YAF2: variants seen among roughly 807,000 people sequenced by gnomAD.
The protein encoded by YAF2 is YY1-associated factor 2.
A neutral mutation model predicts 20.1 loss-of-function variants in YAF2; 7 were observed. That is an observed-to-expected ratio of 0.35 (90% confidence interval 0.20 to 0.65). YAF2 has a LOEUF of 0.65. Ranked by LOEUF, YAF2 falls within the 30% of genes least tolerant of loss-of-function variation. The pLI is 0.69. For synonymous variants in YAF2, 74 were observed against 76.0 expected (o/e 0.97, Z 0.14); for missense variants, 151 against 219.2 (o/e 0.69, Z 1.96).
At chr12:42,177,516 C>CT (rs1446209051) in intron 2 of YAF2, among the ~76,000 whole-genome samples, 1 of 152,162 alleles carries the variant, frequency 6.6e-6, no homozygotes, top group Non-Finnish European at 1.5e-5. Flanking sequence ...ACAAGGCCAC[C>CT]AATCCTACTG....
chr12:42,221,897 T>C (rs2067527539), intron 2 of YAF2, among the ~76,000 whole-genome samples: 1 of 152,204 alleles, frequency 6.6e-6, no homozygotes, highest in Admixed American at 6.5e-5. Flanking sequence ...GAAGACGCTC[T>C]TATCTGTCTA....
intron 2 of YAF2, among the ~76,000 whole-genome samples, chr12:42,227,349 G>A (rs1236889530): frequency 2.9e-5 from 2 of 68,878 alleles, no homozygotes; most frequent in Non-Finnish European, 4.8e-5. Context: ...AGTCTGGAAA[G>A]TGAGGAGCGT....
chr12:42,174,813 A>G lies in YAF2; in HGVS notation c.153-13048T>C, dbSNP rs550995658. Among the ~76,000 whole-genome samples, 3 of 152,362 alleles carry G rather than the reference A, an allele frequency of 2.0e-5. No homozygotes were observed. The South Asian group carries it at 6.2e-4, about 32-fold the overall frequency. ...TAGAAAGCAAAAGTTAAATTTTGCT[A>G]AATTTTATAAATAGAATATTTGTAA... is the stretch of plus-strand genomic sequence containing the variant. On this transcript the variant is annotated intron_variant, in intron 2 of 3. Transcript: ENST00000534854.
At position 42,174,413 on chromosome 12, in the gene YAF2, CT is replaced by C. The variant is rs1267034698; in HGVS notation, c.153-12649del. On this transcript the variant is annotated intron_variant, in intron 2 of 3. Coordinates refer to ENST00000534854, the MANE Select transcript of YAF2 (RefSeq NM_005748.6). ...CACTCAGCCTCTAGGACACCACACT[CT>C]TCACATTTCTCTCCTGCCTCACTGG... Among the ~76,000 whole-genome samples the C allele has an allele frequency of 2.0e-5, 3 of 152,334 alleles. No homozygotes were observed. The East Asian group carries it at 5.8e-4, about 29-fold the overall frequency.
intron 2 of YAF2, among the ~76,000 whole-genome samples, chr12:42,185,268 G>C (rs190410618): frequency 6.6e-6 from 1 of 152,310 alleles, no homozygotes; most frequent in African/African-American, 2.4e-5. Flanking sequence ...TCATGACCAA[G>C]CTTTCACAGA....
At chr12:42,186,731 G>A (rs187400000) in intron 2 of YAF2, among the ~76,000 whole-genome samples, 1 of 152,134 alleles carries the variant, frequency 6.6e-6, no homozygotes, top group Non-Finnish European at 1.5e-5. Flanking sequence ...CCCACTAGGA[G>A]TAACCAGGAA....
chr12:42,223,308 A>C (rs938896895), intron 2 of YAF2, among the ~76,000 whole-genome samples: 1 of 151,282 alleles, frequency 6.6e-6, no homozygotes, highest in Non-Finnish European at 1.5e-5. Flanking sequence ...TCATCTTAAA[A>C]ACAGCAGTTT....
intron 2 of YAF2, among the ~76,000 whole-genome samples, chr12:42,168,939 C>A (rs2065977657): frequency 1.3e-5 from 2 of 152,088 alleles, no homozygotes; most frequent in Admixed American, 6.6e-5. Flanking sequence ...ACCACCCCTC[C>A]CATCATAAGA....
intron 2 of YAF2, among the ~76,000 whole-genome samples, chr12:42,165,922 A>C (rs1347444957): frequency 6.7e-6 from 1 of 149,024 alleles, no homozygotes; most frequent in East Asian, 2.0e-4. Context: ...ATCTATATCT[A>C]TCTATCTATG....
chr12:42,196,328 A>G (rs1253706867), intron 2 of YAF2, among the ~76,000 whole-genome samples: 3 of 152,042 alleles, frequency 2.0e-5, no homozygotes, highest in Non-Finnish European at 4.4e-5. Flanking sequence ...CACATCACCT[A>G]TAAGTGGGTG....
In YAF2 at chr12:42,224,541, C is replaced by T. The variant is rs140202027; in HGVS notation, c.152+13058G>A. 3.6e-3 allele frequency among the ~76,000 whole-genome samples: 548 copies of T among 152,026 alleles called. 1 individual carries two copies. Among genetic ancestry groups the T allele is most frequent in the Non-Finnish European group, 6.4e-3 (433 of 67,990 alleles). On this transcript the variant is annotated intron_variant, in intron 2 of 3. Coordinates refer to ENST00000534854, the MANE Select transcript of YAF2 (RefSeq NM_005748.6). ...ATCCCTCCTCTAGCCCCCCACCCCG[C>T]GACAGGCCCCCGTGTGTGATGTTCC... is the stretch of plus-strand genomic sequence containing the variant.
At chr12:42,179,712 AG>A (rs2137041130) in intron 2 of YAF2, among the ~76,000 whole-genome samples, 1 of 138,336 alleles carries the variant, frequency 7.2e-6, no homozygotes, top group Admixed American at 7.8e-5. Context: ...TGAGCCCAGG[AG>A]GTTGAGGCTG....
At chr12:42,173,070 G>C (rs2066090815) in intron 2 of YAF2, among the ~76,000 whole-genome samples, 1 of 152,076 alleles carries the variant, frequency 6.6e-6, no homozygotes, top group South Asian at 2.1e-4. Context: ...GAGGGAGAGA[G>C]AGAAAGAGAG....
chr12:42,211,485 C>G (rs1391078229), intron 2 of YAF2, among the ~76,000 whole-genome samples: 2 of 150,984 alleles, frequency 1.3e-5, no homozygotes, highest in African/African-American at 4.9e-5. Flanking sequence ...GCCTGTAATC[C>G]CAACACTTTT....
chr12:42,234,307 T>C, intron 2 of YAF2: 1 of 985,454 alleles, frequency 1.0e-6, no homozygotes, highest in Non-Finnish European at 1.2e-6. Flanking sequence ...TGTTTCCTTT[T>C]AAAAAATTTC....
chr12:42,171,257 C>A (rs2136997148), intron 2 of YAF2, among the ~76,000 whole-genome samples: 1 of 152,318 alleles, frequency 6.6e-6, no homozygotes, highest in South Asian at 2.1e-4. Flanking sequence ...TCCCAGAATG[C>A]TGGGATTACA....
intron 2 of YAF2, among the ~76,000 whole-genome samples, chr12:42,228,819 C>G (rs1453501576): frequency 3.7e-4 from 22 of 58,902 alleles, no homozygotes; most frequent in African/African-American, 1.2e-3. Context: ...GGCCAGCCGC[C>G]CCGTCCGGGA....
At chr12:42,173,253 G>A (rs17091018) in intron 2 of YAF2, among the ~76,000 whole-genome samples, 31,472 of 151,988 alleles carry the variant, frequency 0.21, 3,378 homozygotes, top group Admixed American at 0.25. Flanking sequence ...GGGGCTCCAC[G>A]GTCTATATGT....
At chr12:42,230,640 T>C (rs1465744397) in intron 2 of YAF2, among the ~76,000 whole-genome samples, 1 of 152,164 alleles carries the variant, frequency 6.6e-6, no homozygotes, top group Non-Finnish European at 1.5e-5. Context: ...GGAAAAAGGA[T>C]AGATTTAAGA....
Sources: gnomAD v4.1 joint callset for allele counts (sites outside exome capture counted in the v4.1 genomes callset) on GRCh38, gnomAD v4.1.1 for gene constraint, MANE v1.5 for transcripts, NCBI Gene and HGNC (gene_info 2026-07-23, HGNC 2026-07-21) for gene names.